The following GABRR2 variants were observed in gnomAD, a reference collection of about 807,000 sequenced individuals.
GABRR2 encodes gamma-aminobutyric acid type A receptor subunit rho2.
GABRR2 carries 36 observed loss-of-function variants against 47.0 expected under a neutral mutation model. The ratio of observed to expected loss-of-function variants is 0.77; its 90% CI spans 0.59 to 1.01. The LOEUF (loss-of-function observed/expected upper bound fraction) is 1.01. Among genes scored for constraint, GABRR2 ranks in the 50% least tolerant of loss-of-function variants. The pLI is 0.00. For missense variants in GABRR2, 587 were observed against 594.6 expected, an observed-to-expected ratio of 0.99 and a Z score of 0.13; for synonymous variants, 204 against 227.5, an observed-to-expected ratio of 0.90 and a Z score of 0.93.
chr6:89,280,246 A>ATG (rs1774235365), intron 2 of GABRR2, among the ~76,000 whole-genome samples: 1 of 140,480 alleles, frequency 7.1e-6, no homozygotes, highest in Non-Finnish European at 1.5e-5. Context: ...ATATATATAT[A>ATG]TATATATACA....
At position 89,269,656 on chromosome 6, in the gene GABRR2, G is replaced by A. The variant is rs543630939; in HGVS notation, c.289-422C>T. 4.6e-5 allele frequency among the ~76,000 whole-genome samples: 7 copies of A among 152,324 alleles called. No homozygotes were observed. The South Asian group carries it at 1.5e-3, about 32-fold the overall frequency. On this transcript the variant is annotated intron_variant, in intron 3 of 8. Coordinates refer to ENST00000402938, the MANE Select transcript of GABRR2 (RefSeq NM_002043.5). ...GGATTGTCGAATGTCTCTCTTAGGA[G>A]GATTCTTGCCGTTAGGCTTATAAGA...
intron 2 of GABRR2, among the ~76,000 whole-genome samples, chr6:89,284,121 C>T (rs1445825552): frequency 6.6e-6 from 1 of 152,084 alleles, no homozygotes; most frequent in East Asian, 1.9e-4. Context: ...GTAAGCAAAA[C>T]TAGTCCATGG....
chr6:89,261,534 C>T (rs1328957192), intron 8 of GABRR2, among the ~76,000 whole-genome samples: 1 of 152,096 alleles, frequency 6.6e-6, no homozygotes, highest in Non-Finnish European at 1.5e-5. Flanking sequence ...ACACAACTGA[C>T]CAGCATTAAT....
chr6:89,277,867 G>GT (rs1262733203), intron 2 of GABRR2, among the ~76,000 whole-genome samples: 13 of 118,310 alleles, frequency 1.1e-4, no homozygotes, highest in African/African-American at 3.3e-4. Flanking sequence ...GTGGGCGGGG[G>GT]TGGGGGGGGG....
chr6:89,313,866 A>C (rs1767717477), intron 1 of GABRR2, among the ~76,000 whole-genome samples: 1 of 152,148 alleles, frequency 6.6e-6, no homozygotes, highest in Non-Finnish European at 1.5e-5. Flanking sequence ...GCAGTGAGCC[A>C]AGATTGCGCC....
intron 1 of GABRR2, among the ~76,000 whole-genome samples, chr6:89,305,471 G>T (rs1197741538): frequency 1.3e-5 from 2 of 152,204 alleles, no homozygotes; most frequent in Non-Finnish European, 2.9e-5. Context: ...TTGAGCCCAG[G>T]AGTTCAAGGC....
chr6:89,290,731 G>T (rs1411952982), intron 2 of GABRR2, among the ~76,000 whole-genome samples: 3 of 152,212 alleles, frequency 2.0e-5, no homozygotes, highest in Non-Finnish European at 2.9e-5. Flanking sequence ...AAGGCAGGAG[G>T]TATCGGAAGG....
intron 2 of GABRR2, among the ~76,000 whole-genome samples, chr6:89,283,770 G>A (rs140438382): frequency 2.0e-5 from 3 of 152,332 alleles, no homozygotes; most frequent in Non-Finnish European, 4.4e-5. Context: ...AGCTCCCTGT[G>A]AATAGCACAG....
At chr6:89,306,377 C>A (rs927720888) in intron 1 of GABRR2, among the ~76,000 whole-genome samples, 1 of 151,880 alleles carries the variant, frequency 6.6e-6, no homozygotes, top group Non-Finnish European at 1.5e-5. Context: ...AAAAAAAATT[C>A]TCGTGATGTT....
intron 8 of GABRR2, among the ~76,000 whole-genome samples, chr6:89,259,413 G>A (rs1207758571): frequency 6.6e-6 from 1 of 151,840 alleles, no homozygotes; most frequent in Non-Finnish European, 1.5e-5. Context: ...AATTGTTCGT[G>A]GTTTGGGGGC....
intron 1 of GABRR2, chr6:89,302,435 C>A (rs1268128116): frequency 6.9e-6 from 4 of 576,088 alleles, no homozygotes; most frequent in African/African-American, 5.6e-5. Context: ...GCCACGCCCA[C>A]CTACGGGGAC....
chr6:89,274,501 T>A (rs1383416277), intron 2 of GABRR2, among the ~76,000 whole-genome samples: 1 of 152,146 alleles, frequency 6.6e-6, no homozygotes, highest in Non-Finnish European at 1.5e-5. Context: ...CAAGTCCTAT[T>A]TAGAAGGAAA....
At chr6:89,300,088 G>A (rs1009388472) in intron 1 of GABRR2, among the ~76,000 whole-genome samples, 2 of 152,212 alleles carry the variant, frequency 1.3e-5, no homozygotes, top group African/African-American at 4.8e-5. Flanking sequence ...TTCTGAAAGT[G>A]GATGCCCTCC....
intron 1 of GABRR2, among the ~76,000 whole-genome samples, chr6:89,312,388 T>C (rs1052632575): frequency 1.3e-5 from 2 of 152,220 alleles, no homozygotes; most frequent in Non-Finnish European, 2.9e-5. Context: ...ATCATTGTTC[T>C]GTGTGCATGC....
Position 89,257,622 on chromosome 6 carries a change from A to G in GABRR2, c.*48T>C, listed in dbSNP as rs1773629508. The G allele has an allele frequency of 1.4e-6, 2 of 1,473,476 alleles. No homozygotes were observed. Among genetic ancestry groups the G allele is most frequent in the Non-Finnish European group, 1.9e-6 (2 of 1,079,972 alleles). 91.3% of individuals were successfully genotyped at this position (1,473,476 alleles called of 1,614,324 possible). A position where few individuals can be genotyped will look rare whatever the true frequency, so the allele number is the denominator to read the frequency against. ...CAAGTCCGTCTGTCAATGACTGGCCAGGCCCCCTCGATGTCTATGCCCTCT... is the reference window on the plus strand; with the variant it reads ...CAAGTCCGTCTGTCAATGACTGGCCGGGCCCCCTCGATGTCTATGCCCTCT... On this transcript the variant is annotated 3_prime_UTR_variant, in exon 9 of 9. Coordinates refer to ENST00000402938, the MANE Select transcript of GABRR2 (RefSeq NM_002043.5).
At chr6:89,275,361 C>A (rs1433141184) in intron 2 of GABRR2, among the ~76,000 whole-genome samples, 6 of 152,092 alleles carry the variant, frequency 3.9e-5, no homozygotes, top group South Asian at 2.1e-4. Flanking sequence ...GCAACCTCTA[C>A]CTCCCGGGTT....
Position 89,256,431 on chromosome 6 carries a change from G to A in GABRR2, c.*1239C>T, listed in dbSNP as rs540712107. Among the ~76,000 whole-genome samples, 1 of 152,038 alleles carries A rather than the reference G, an allele frequency of 6.6e-6. No homozygotes were observed. Among genetic ancestry groups the A allele is most frequent in the Non-Finnish European group, 1.5e-5 (1 of 68,018 alleles). On this transcript the variant is annotated 3_prime_UTR_variant, in exon 9 of 9. Coordinates refer to ENST00000402938, the MANE Select transcript of GABRR2 (RefSeq NM_002043.5). The stretch of plus-strand genomic sequence containing the variant: ...ACCTAGTGCAGAGATACTTTAAAAT[G>A]TTTATTGCCTGAATATATAATAGTA...
intron 1 of GABRR2, chr6:89,302,979 G>A: frequency 1.5e-6 from 2 of 1,300,694 alleles, no homozygotes; most frequent in Non-Finnish European, 1.1e-6. Flanking sequence ...TGGACGAGAT[G>A]GAGATCACCG....
chr6:89,291,937 GC>G (rs1774448716), intron 2 of GABRR2, among the ~76,000 whole-genome samples: 1 of 152,072 alleles, frequency 6.6e-6, no homozygotes, highest in Admixed American at 6.6e-5. Context: ...CAGCTCTCCA[GC>G]CTTTTCTTCC....
Sources: allele counts gnomAD v4.1 joint callset (sites outside exome capture counted in the v4.1 genomes callset), GRCh38; gene constraint gnomAD v4.1.1; transcripts MANE v1.5; gene names NCBI Gene and HGNC (gene_info 2026-07-23, HGNC 2026-07-21).